PCNX2: variants seen among roughly 807,000 people sequenced by gnomAD.
PCNX2 encodes pecanex 2.
A neutral mutation model predicts 223.8 loss-of-function variants in PCNX2; 168 were observed. That is an observed-to-expected ratio of 0.75 (90% confidence interval 0.66 to 0.85). The LOEUF (loss-of-function observed/expected upper bound fraction) is 0.85. PCNX2 is among the 40% of genes least tolerant of loss of function. The pLI, the probability that PCNX2 is intolerant of heterozygous loss-of-function variation, is 0.00. For synonymous variants in PCNX2, 1,006 were observed against 1,052.6 expected (o/e 0.96, Z 0.86); for missense variants, 2,507 against 2,675.5 (o/e 0.94, Z 1.39).
chr1:233,033,209 T>G (rs182853031), intron 25 of PCNX2: 72 of 985,234 alleles, frequency 7.3e-5, no homozygotes, highest in Admixed American at 6.8e-4. Flanking sequence ...TTGTCACACC[T>G]ACCAATGCCA....
chr1:233,039,875 A>G (rs1035745625), intron 25 of PCNX2, among the ~76,000 whole-genome samples: 3 of 152,244 alleles, frequency 2.0e-5, no homozygotes, highest in African/African-American at 4.8e-5. Flanking sequence ...AAACACAAAT[A>G]TAACTTTCAT....
chr1:233,069,899 G>C (rs540318060), intron 23 of PCNX2, among the ~76,000 whole-genome samples: 12 of 152,070 alleles, frequency 7.9e-5, no homozygotes, highest in African/African-American at 2.9e-4. Flanking sequence ...CAGTGAAATT[G>C]AAAAATAAAT....
At chr1:233,271,861 G>A (rs1558413053) in intron 1 of PCNX2, among the ~76,000 whole-genome samples, 1 of 152,144 alleles carries the variant, frequency 6.6e-6, no homozygotes, top group Non-Finnish European at 1.5e-5. Context: ...GTAGCATGCT[G>A]TTTTGGTGAC....
Position 233,016,841 on chromosome 1 carries a change from T to C in PCNX2, c.4839+80A>G, listed in dbSNP as rs889868549. 1.8e-5 allele frequency: 27 copies of C among 1,536,022 alleles called. No homozygotes were observed. In the Admixed American group the frequency reaches 5.2e-4, roughly 29 times the overall value. On this transcript the variant is annotated intron_variant, in intron 27 of 33. Transcript: ENST00000258229. ...TATGTTAAAAGTCTACCATAGAATA[T>C]AAGAAAGAGATGGACATGACAATGT...
intron 14 of PCNX2, 67 bp from the exon 15 acceptor site, chr1:233,199,097 G>T: frequency 7.2e-7 from 1 of 1,395,158 alleles, no homozygotes; most frequent in Non-Finnish European, 9.8e-7. Flanking sequence ...ATGTAAAACA[G>T]TGAAGAGATG....
At chr1:233,272,876 T>C (rs1008061771) in intron 1 of PCNX2, among the ~76,000 whole-genome samples, 11 of 152,222 alleles carry the variant, frequency 7.2e-5, no homozygotes, top group African/African-American at 2.4e-4. Flanking sequence ...ACCATTATTC[T>C]AAGTGAAGTA....
rs556795517 is a variant in PCNX2 at position 232,986,383 on chromosome 1, G to C, written c.5949C>G (p.Ser1983Arg). 6.2e-7 allele frequency: 1 copy of C among 1,602,768 alleles called. No individual in the cohort carries two copies. Residue 1983 changes from serine to arginine, a missense_variant, in exon 33 of 34, where the codon AGC becomes AGG. By Grantham distance (110) the Ser-to-Arg change is moderately radical. Transcript: ENST00000258229. ...VHELAQRLSG[S>R]RLSLHASATS... is the part of the protein sequence containing the mutation. ...TGGCCGAGGCGTGCAAGGAGAGCCGGCTGCCCGAGAGCCTCTGGGCCAGCT... is the reference window on the plus strand; with the variant it reads ...TGGCCGAGGCGTGCAAGGAGAGCCGCCTGCCCGAGAGCCTCTGGGCCAGCT...
intron 13 of PCNX2, among the ~76,000 whole-genome samples, chr1:233,205,286 TC>T (rs752955588): frequency 2.6e-5 from 4 of 152,218 alleles, no homozygotes; most frequent in African/African-American, 4.8e-5. Flanking sequence ...ACTTTTTAAG[TC>T]CCTACTTATT....
chr1:233,325,135 G>A, the PCNX2 span, among the ~76,000 whole-genome samples: 1 of 152,270 alleles, frequency 6.6e-6, no homozygotes. Context: ...GGCCATAGGT[G>A]CCAAAGATAG....
chr1:233,091,352 G>A (rs746493191), intron 22 of PCNX2, among the ~76,000 whole-genome samples: 2 of 151,850 alleles, frequency 1.3e-5, no homozygotes, highest in African/African-American at 2.4e-5. Flanking sequence ...AAAAAGAAAT[G>A]CTTGGCACAG....
chr1:233,057,577 G>C (rs1321157818), intron 23 of PCNX2: 2 of 320,936 alleles, frequency 6.2e-6, no homozygotes, highest in Non-Finnish European at 1.2e-5. Flanking sequence ...CAAAATCAAA[G>C]CAAGTATTTA....
chr1:233,274,858 G>C (rs1209283789), intron 1 of PCNX2, among the ~76,000 whole-genome samples: 2 of 152,184 alleles, frequency 1.3e-5, no homozygotes, highest in Non-Finnish European at 2.9e-5. Flanking sequence ...ATGATGAAGA[G>C]CACAGAAGGC....
Position 233,295,585 on chromosome 1 carries a change from C to G in PCNX2, c.-107G>C. The G allele has an allele frequency of 1.7e-6, 2 of 1,168,010 alleles. No homozygotes were observed. Among genetic ancestry groups the G allele is most frequent in the Admixed American group, 4.3e-5 (1 of 23,142 alleles). 72.4% of individuals were successfully genotyped at this position (1,168,010 alleles called of 1,614,324 possible). A position where few individuals can be genotyped will look rare whatever the true frequency, so the allele number is the denominator to read the frequency against. ...CACCCGGGCCCGCGGGCCGCGCCCCCGCCGTCGCCGCCGCCGTCGCCCCCG... is the reference window on the plus strand; with the variant it reads ...CACCCGGGCCCGCGGGCCGCGCCCCGGCCGTCGCCGCCGCCGTCGCCCCCG... On this transcript the variant is annotated 5_prime_UTR_variant, in exon 1 of 34. Transcript: ENST00000258229. The surrounding 1 kb of genome is among the most constrained non-coding windows in gnomAD (Gnocchi z 4.1).
intron 23 of PCNX2, among the ~76,000 whole-genome samples, chr1:233,078,056 T>G (rs560300573): frequency 3.7e-4 from 56 of 152,328 alleles, no homozygotes; most frequent in Middle Eastern, 3.4e-3. Context: ...CTGGGCAAGG[T>G]CTTTGCTTTC....
At chr1:233,191,883 T>C (rs996262858) in intron 15 of PCNX2, among the ~76,000 whole-genome samples, 6 of 152,160 alleles carry the variant, frequency 3.9e-5, no homozygotes, top group African/African-American at 1.4e-4. Context: ...GTCATGGATG[T>C]AGAAGTTAGA....
At chr1:233,276,950 C>T (rs139186081) in intron 1 of PCNX2, among the ~76,000 whole-genome samples, 1 of 152,312 alleles carries the variant, frequency 6.6e-6, no homozygotes, top group Non-Finnish European at 1.5e-5. Context: ...TATTTTTGCC[C>T]AGCAAGGGAA....
chr1:233,180,112 G>C (rs183402463), intron 15 of PCNX2, among the ~76,000 whole-genome samples: 148 of 152,344 alleles, frequency 9.7e-4, no homozygotes, highest in African/African-American at 3.0e-3. Context: ...GCCTTGCTGA[G>C]AGAATTAAAT....
Position 232,984,093 on chromosome 1 carries a change from T to C in PCNX2, c.*211A>G, listed in dbSNP as rs1251651065. 4.6e-6 allele frequency: 2 copies of C among 431,390 alleles called. No homozygotes were observed. The highest frequency in any genetic ancestry group is 7.6e-6 in the Non-Finnish European group (2 of 263,392). The allele number at this position is 431,390 out of a possible 1,614,324, so 26.7% of individuals were successfully genotyped here. Reference sequence around the variant, plus strand: ...GTTTCCCCATCATGTGAGGTTTTTTTGTTGTTGTTGTTTGATTTTTTTTTT... The same window carrying C: ...GTTTCCCCATCATGTGAGGTTTTTTCGTTGTTGTTGTTTGATTTTTTTTTT... On this transcript the variant is annotated 3_prime_UTR_variant, in exon 34 of 34. Coordinates refer to ENST00000258229, the MANE Select transcript of PCNX2 (RefSeq NM_014801.4).
At chr1:233,056,742 A>G (rs974723745) in intron 24 of PCNX2, among the ~76,000 whole-genome samples, 3 of 152,232 alleles carry the variant, frequency 2.0e-5, no homozygotes, top group African/African-American at 7.2e-5. Context: ...AAGAAATAGA[A>G]TGGTTAAAAA....
Sources: allele counts gnomAD v4.1 joint callset (sites outside exome capture counted in the v4.1 genomes callset), GRCh38; gene constraint gnomAD v4.1.1; non-coding constraint Gnocchi (gnomAD v3.1); transcripts MANE v1.5; gene names NCBI Gene and HGNC (gene_info 2026-07-23, HGNC 2026-07-21).